The following MDGA2 variants were observed in gnomAD, a reference collection of about 807,000 sequenced individuals.
MDGA2 encodes MAM domain-containing glycosylphosphatidylinositol anchor protein 2.
In MDGA2, 40 loss-of-function variants were observed where a neutral mutation model predicts 117.8. The observed-to-expected ratio is 0.34, with a 90% CI of 0.26 to 0.44. The LOEUF (loss-of-function observed/expected upper bound fraction) is 0.44. Ranked by LOEUF, MDGA2 falls within the 20% of genes least tolerant of loss-of-function variation. The pLI, the probability that MDGA2 is intolerant of heterozygous loss-of-function variation, is 1.00. For missense variants in MDGA2, 1,123 were observed against 1,250.6 expected, an observed-to-expected ratio of 0.90 and a Z score of 1.54; for synonymous variants, 452 against 439.0, an observed-to-expected ratio of 1.03 and a Z score of -0.37.
At chr14:47,434,802 C>G (rs1332681231) in intron 1 of MDGA2, among the ~76,000 whole-genome samples, 1 of 151,878 alleles carries the variant, frequency 6.6e-6, no homozygotes, top group Non-Finnish European at 1.5e-5. Flanking sequence ...TAATCTGAAC[C>G]CCACTATTTC....
chr14:46,974,760 C>T (rs1272001339), intron 8 of MDGA2, among the ~76,000 whole-genome samples: 2 of 151,994 alleles, frequency 1.3e-5, no homozygotes, highest in African/African-American at 2.4e-5. Flanking sequence ...AAATATAAAA[C>T]TCTTAGAAGA....
At chr14:47,293,136 T>A (rs1208581689) in intron 2 of MDGA2, among the ~76,000 whole-genome samples, 1 of 152,166 alleles carries the variant, frequency 6.6e-6, no homozygotes, top group African/African-American at 2.4e-5. Context: ...GACTACTGCA[T>A]TTCTCACAGT....
chr14:46,949,126 C>T (rs1414712872), intron 9 of MDGA2, among the ~76,000 whole-genome samples: 1 of 152,040 alleles, frequency 6.6e-6, no homozygotes, highest in Non-Finnish European at 1.5e-5. Context: ...TTTATCATCT[C>T]CCATTTTACA....
chr14:46,943,939 CAAAAA>C lies in MDGA2; in HGVS notation c.2089+13430_2089+13434del, dbSNP rs1200757200. The stretch of plus-strand genomic sequence containing the variant: ...GTGTGTTCCAATTAAACTTCATTTA[CAAAAA>C]ACAGTTTGCTGACCTCAGGCTGCTA... On this transcript the variant is annotated intron_variant, in intron 9 of 16. Transcript: ENST00000399232. 2.6e-5 allele frequency among the ~76,000 whole-genome samples: 4 copies of C among 152,112 alleles called. No individual in the cohort carries two copies. In the East Asian group the frequency reaches 7.7e-4, roughly 29 times the overall value.
chr14:47,094,139 C>T (rs1032323851), intron 6 of MDGA2, among the ~76,000 whole-genome samples: 1 of 151,936 alleles, frequency 6.6e-6, no homozygotes. Context: ...AATCTAGGAT[C>T]CTTTAAAACC....
chr14:47,242,903 C>T (rs1325482956), intron 2 of MDGA2, among the ~76,000 whole-genome samples: 1 of 151,820 alleles, frequency 6.6e-6, no homozygotes, highest in South Asian at 2.1e-4. Context: ...GCCAGCTGGG[C>T]TCCTGAGTCT....
intron 2 of MDGA2, among the ~76,000 whole-genome samples, chr14:47,296,849 A>C (rs1594779888): frequency 6.6e-6 from 1 of 152,224 alleles, no homozygotes; most frequent in East Asian, 1.9e-4. Flanking sequence ...AGCAGCAATT[A>C]TACACATTTG....
At chr14:47,267,478 T>C (rs930514666) in intron 2 of MDGA2, among the ~76,000 whole-genome samples, 1 of 152,172 alleles carries the variant, frequency 6.6e-6, no homozygotes, top group South Asian at 2.1e-4. Flanking sequence ...GTTATTTATG[T>C]CATTTTTTTT....
At chr14:47,568,723 C>G (rs941259327) in intron 1 of MDGA2, among the ~76,000 whole-genome samples, 4 of 152,044 alleles carry the variant, frequency 2.6e-5, no homozygotes, top group African/African-American at 9.7e-5. Context: ...AAAAAATAAT[C>G]CTGTTATATT....
At chr14:47,531,818 C>T (rs899144570) in intron 1 of MDGA2, among the ~76,000 whole-genome samples, 3 of 152,116 alleles carry the variant, frequency 2.0e-5, no homozygotes, top group African/African-American at 7.2e-5. Context: ...TAGGTAAAAA[C>T]CATATAAATT....
At chr14:47,446,780 T>A (rs10140725) in intron 1 of MDGA2, among the ~76,000 whole-genome samples, 55,757 of 151,852 alleles carry the variant, frequency 0.37, 10,414 homozygotes, top group South Asian at 0.57. Context: ...TAGAAAATTT[T>A]AAAAAAAGTA....
chr14:47,339,976 T>C (rs1407628328), intron 1 of MDGA2, among the ~76,000 whole-genome samples: 2 of 152,146 alleles, frequency 1.3e-5, no homozygotes, highest in African/African-American at 4.8e-5. Context: ...CAGACTTACA[T>C]AGTCCTAAAA....
intron 1 of MDGA2, among the ~76,000 whole-genome samples, chr14:47,378,136 C>A (rs868831721): frequency 2.8e-4 from 43 of 152,298 alleles, no homozygotes; most frequent in African/African-American, 8.9e-4. Context: ...AACAGACCTG[C>A]AGCTGAGGGT....
intron 5 of MDGA2, among the ~76,000 whole-genome samples, chr14:47,102,497 G>C (rs1405577840): frequency 3.3e-5 from 5 of 152,022 alleles, no homozygotes; most frequent in Non-Finnish European, 7.4e-5. Context: ...TTTGAAAGCA[G>C]GTCCTGGCAC....
At chr14:47,518,230 G>A (rs1418251040) in intron 1 of MDGA2, among the ~76,000 whole-genome samples, 1 of 152,160 alleles carries the variant, frequency 6.6e-6, no homozygotes, top group African/African-American at 2.4e-5. Context: ...ATTTGTGAGG[G>A]TGGAGGATGG....
rs1184778137 is a variant in MDGA2 at position 47,200,517 on chromosome 14, TTTTTTC to T, written c.595+17498_595+17503del. ...CTTCCCTTTTTCTATTTTTCTTTTC[TTTTTTC>T]TTTTTCTTTTCTTTTTTTTTTTTTT... On this transcript the variant is annotated intron_variant, in intron 3 of 16. Coordinates refer to ENST00000399232, the MANE Select transcript of MDGA2 (RefSeq NM_001113498.3). 7.2e-5 allele frequency: 45 copies of T among 626,120 alleles called. No homozygotes were observed. The East Asian group carries it at 1.3e-3, about 18-fold the overall frequency. 38.8% of individuals were successfully genotyped at this position (626,120 alleles called of 1,614,324 possible).
intron 1 of MDGA2, among the ~76,000 whole-genome samples, chr14:47,394,530 C>G (rs1024184975): frequency 1.3e-5 from 2 of 152,154 alleles, no homozygotes; most frequent in Non-Finnish European, 2.9e-5. Context: ...TAAGTTTAAA[C>G]AAGCCAGAGA....
intron 9 of MDGA2, among the ~76,000 whole-genome samples, chr14:46,938,975 C>T (rs894370095): frequency 3.9e-5 from 6 of 152,050 alleles, no homozygotes; most frequent in African/African-American, 1.4e-4. Context: ...CATGGATAAG[C>T]CTGGAGGGCA....
At chr14:47,319,254 T>A (rs140811642) in intron 1 of MDGA2, among the ~76,000 whole-genome samples, 2 of 152,224 alleles carry the variant, frequency 1.3e-5, no homozygotes, top group Non-Finnish European at 1.5e-5. Flanking sequence ...CTGACATTTG[T>A]AAATAACATC....
Sources: gnomAD v4.1 joint callset for allele counts (sites outside exome capture counted in the v4.1 genomes callset) on GRCh38, gnomAD v4.1.1 for gene constraint, MANE v1.5 for transcripts, NCBI Gene and HGNC (gene_info 2026-07-23, HGNC 2026-07-21) for gene names.